C5orf24: variants seen among roughly 807,000 people sequenced by gnomAD.
C5orf24 encodes the protein chromosome 5 open reading frame 24.
Under a neutral mutation model 9.8 loss-of-function variants are expected in C5orf24, and 4 were observed. The observed-to-expected ratio is 0.41, with a 90% CI of 0.20 to 0.93. The LOEUF is 0.93. C5orf24 is among the 40% of genes least tolerant of loss of function. The pLI is 0.33. For missense variants in C5orf24, 170 were observed against 236.9 expected, an observed-to-expected ratio of 0.72 and a Z score of 1.85; for synonymous variants, 73 against 81.3, an observed-to-expected ratio of 0.90 and a Z score of 0.55.
At chr5:134,839,761 C>T in the C5orf24 span, among the ~76,000 whole-genome samples, 2 of 150,820 alleles carry the variant, frequency 1.3e-5, no homozygotes, top group African/African-American at 2.4e-5. Flanking sequence ...GCAGTCTCAG[C>T]TCACTTCAAC....
At chr5:134,836,168 C>CTTTTT in the C5orf24 span, among the ~76,000 whole-genome samples, 32 of 86,464 alleles carry the variant, frequency 3.7e-4, no homozygotes, top group African/African-American at 6.2e-4. Context: ...CATTGAGAAG[C>CTTTTT]TTTTTTTTTT....
In C5orf24 at chr5:134,846,110, C is replaced by G. The variant is rs988380136; in HGVS notation, c.-106C>G. The G allele has an allele frequency of 1.3e-5, 2 of 152,212 alleles. No homozygotes were observed. The highest frequency in any genetic ancestry group is 1.9e-4 in the East Asian group (1 of 5,180). The allele number at this position is 152,212 out of a possible 1,614,324, so 9.4% of individuals were successfully genotyped here. On this transcript the variant is annotated 5_prime_UTR_variant, in exon 1 of 2. Coordinates refer to ENST00000394976, the MANE Select transcript of C5orf24 (RefSeq NM_001135586.1). ...CTCCGTCTTGGCCCGTTCTCCGCACCGTGCAGAGGCGGCGGGCTGGGGAGG... is the reference window on the plus strand; with the variant it reads ...CTCCGTCTTGGCCCGTTCTCCGCACGGTGCAGAGGCGGCGGGCTGGGGAGG...
At chr5:134,841,652 T>C (rs1755895340), upstream of C5orf24, among the ~76,000 whole-genome samples, 1 of 152,182 alleles carries the variant, frequency 6.6e-6, no homozygotes, top group African/African-American at 2.4e-5. Flanking sequence ...GAAGCTTTAC[T>C]TCACATCTAT....
In C5orf24 at chr5:134,857,362, AAGC is replaced by A; in HGVS notation, c.*1900_*1902del. The A allele has an allele frequency of 3.9e-6, 6 of 1,547,632 alleles. No homozygotes were observed. Among genetic ancestry groups the A allele is most frequent in the Non-Finnish European group, 5.2e-6 (6 of 1,144,956 alleles). On this transcript the variant is annotated 3_prime_UTR_variant, in exon 2 of 2. Coordinates refer to ENST00000394976, the MANE Select transcript of C5orf24 (RefSeq NM_001135586.1). ...TTTCATACCTTTTTTATCAGGAAAAAAGCAGCAAGCCTTCAGGTGTTCCAGTGA... is the reference window on the plus strand; with the variant it reads ...TTTCATACCTTTTTTATCAGGAAAAAAGCAAGCCTTCAGGTGTTCCAGTGA...
At chr5:134,840,863 A>G (rs1397986764), upstream of C5orf24, among the ~76,000 whole-genome samples, 1 of 152,196 alleles carries the variant, frequency 6.6e-6, no homozygotes, top group Non-Finnish European at 1.5e-5. Context: ...CTTGGTATCC[A>G]GAGTTTTTAT....
intron 1 of C5orf24, among the ~76,000 whole-genome samples, chr5:134,850,962 CACAT>C (rs1196094972): frequency 2.0e-5 from 3 of 149,418 alleles, no homozygotes; most frequent in South Asian, 2.1e-4. Context: ...ACACTACACA[CACAT>C]ACATATTTTA....
intron 1 of C5orf24, among the ~76,000 whole-genome samples, chr5:134,849,937 C>T (rs181343181): frequency 3.9e-5 from 6 of 151,912 alleles, no homozygotes; most frequent in East Asian, 1.9e-4. Context: ...GGAGTACAGG[C>T]GTGAGCTACC....
intron 1 of C5orf24, among the ~76,000 whole-genome samples, chr5:134,853,820 C>T (rs902217383): frequency 5.3e-5 from 8 of 152,132 alleles, no homozygotes; most frequent in African/African-American, 1.9e-4. Flanking sequence ...CGGTGGCTCA[C>T]GCCTGTAATC....
chr5:134,848,632 G>T (rs1183354575), intron 1 of C5orf24, among the ~76,000 whole-genome samples: 11 of 113,480 alleles, frequency 9.7e-5, no homozygotes, highest in Non-Finnish European at 1.5e-4. Flanking sequence ...TTGCACTCCA[G>T]CCTGGGCAAG....
the C5orf24 span, among the ~76,000 whole-genome samples, chr5:134,836,168 CTTT>C: frequency 2.3e-5 from 2 of 86,428 alleles, no homozygotes; most frequent in African/African-American, 4.8e-5. Context: ...CATTGAGAAG[CTTT>C]TTTTTTTTTT....
chr5:134,839,699 T>G, the C5orf24 span, among the ~76,000 whole-genome samples: 1 of 151,398 alleles, frequency 6.6e-6, no homozygotes. Flanking sequence ...ACCTTTTTTT[T>G]TTTTTTTTTT....
In C5orf24 at chr5:134,855,485, G is replaced by A. The variant is rs1488516499; in HGVS notation, c.*18G>A. On this transcript the variant is annotated 3_prime_UTR_variant, in exon 2 of 2. Coordinates refer to ENST00000394976, the MANE Select transcript of C5orf24 (RefSeq NM_001135586.1). ...ATGAGTGAATGAGGCAGGAAAAGAG[G>A]GCCAGGTTTAGAAGGAAGATTGTGA... is the stretch of plus-strand genomic sequence containing the variant. 6.2e-7 allele frequency: 1 copy of A among 1,612,572 alleles called. No individual in the cohort carries two copies. Among genetic ancestry groups the A allele is most frequent in the East Asian group, 2.2e-5 (1 of 44,886 alleles).
chr5:134,856,752 T>C lies in C5orf24; in HGVS notation c.*1285T>C. Reference sequence around the variant, plus strand: ...TTTCTCAGAAATTGTCCCATTGCATTAGCACTTACTGTGTTTTCAGGTTGA... The same window carrying C: ...TTTCTCAGAAATTGTCCCATTGCATCAGCACTTACTGTGTTTTCAGGTTGA... On this transcript the variant is annotated 3_prime_UTR_variant, in exon 2 of 2. Coordinates refer to ENST00000394976, the MANE Select transcript of C5orf24 (RefSeq NM_001135586.1). 2.0e-6 allele frequency: 2 copies of C among 999,932 alleles called. No individual in the cohort carries two copies. Among genetic ancestry groups the C allele is most frequent in the Non-Finnish European group, 1.2e-6 (1 of 829,680 alleles). The allele number at this position is 999,932 out of a possible 1,614,324, so 61.9% of individuals were successfully genotyped here.
In C5orf24 at chr5:134,858,473, A is replaced by C. The variant is rs1756368614; in HGVS notation, c.*3006A>C. 6.0e-6 allele frequency: 1 copy of C among 166,978 alleles called. No homozygotes were observed. The allele number at this position is 166,978 out of a possible 1,614,324, so 10.3% of individuals were successfully genotyped here. Reference sequence around the variant, plus strand: ...ACTTTAATATAATCAGTTGGGGAAAACTGGCCTTTTCTCCCCCACTGTATG... The same window carrying C: ...ACTTTAATATAATCAGTTGGGGAAACCTGGCCTTTTCTCCCCCACTGTATG... On this transcript the variant is annotated 3_prime_UTR_variant, in exon 2 of 2. Transcript: ENST00000394976.
chr5:134,841,697 A>C (rs1228267926), upstream of C5orf24, among the ~76,000 whole-genome samples: 1 of 152,192 alleles, frequency 6.6e-6, no homozygotes, highest in Admixed American at 6.5e-5. Context: ...ACTGATGGCA[A>C]CTCTAACATC....
In C5orf24 at chr5:134,856,124, G is replaced by A. The variant is rs1442656504; in HGVS notation, c.*657G>A. On this transcript the variant is annotated 3_prime_UTR_variant, in exon 2 of 2. Coordinates refer to ENST00000394976, the MANE Select transcript of C5orf24 (RefSeq NM_001135586.1). The stretch of plus-strand genomic sequence containing the variant: ...TTGCCTTTGAGCAGTGATAGGTTGT[G>A]TATTTTTTAATTGCCTAAGAGCATA... 4.0e-6 allele frequency: 4 copies of A among 1,000,044 alleles called. No individual in the cohort carries two copies. The highest frequency in any genetic ancestry group is 6.2e-5 in the Admixed American group (1 of 16,260). 61.9% of individuals were successfully genotyped at this position (1,000,044 alleles called of 1,614,324 possible). A position where few individuals can be genotyped will look rare whatever the true frequency, so the allele number is the denominator to read the frequency against.
At chr5:134,851,532 T>C (rs570438714) in intron 1 of C5orf24, among the ~76,000 whole-genome samples, 1 of 149,978 alleles carries the variant, frequency 6.7e-6, no homozygotes, top group Admixed American at 6.8e-5. Context: ...TGACATCTAG[T>C]GGGTAGAGGC....
Position 134,845,982 on chromosome 5 carries a change from G to T in C5orf24, c.-234G>T, listed in dbSNP as rs1755978031. The T allele has an allele frequency of 6.6e-6, 1 of 152,246 alleles. No homozygotes were observed. Among genetic ancestry groups the T allele is most frequent in the Non-Finnish European group, 1.5e-5 (1 of 68,060 alleles). 9.4% of individuals were successfully genotyped at this position (152,246 alleles called of 1,614,324 possible). On this transcript the variant is annotated 5_prime_UTR_variant, in exon 1 of 2. Coordinates refer to ENST00000394976, the MANE Select transcript of C5orf24 (RefSeq NM_001135586.1). ...ACGCCGCCTCTAACACTACAGGGTG[G>T]TAGCGGCCTCTTCGTACTGCGTCCG...
chr5:134,857,701 T>C lies in C5orf24; in HGVS notation c.*2234T>C, dbSNP rs1756350504. 3.7e-6 allele frequency: 1 copy of C among 269,906 alleles called. No individual in the cohort carries two copies. The highest frequency in any genetic ancestry group is 1.7e-4 in the South Asian group (1 of 5,844). 16.7% of individuals were successfully genotyped at this position (269,906 alleles called of 1,614,324 possible). On this transcript the variant is annotated 3_prime_UTR_variant, in exon 2 of 2. Coordinates refer to ENST00000394976, the MANE Select transcript of C5orf24 (RefSeq NM_001135586.1). ...ATATGTTCGTTACCTACTCTGTACA[T>C]GTATCTGTCATTTAGCTGTTTCTCA...
Sources: allele counts gnomAD v4.1 joint callset (sites outside exome capture counted in the v4.1 genomes callset), GRCh38; gene constraint gnomAD v4.1.1; transcripts MANE v1.5; gene names NCBI Gene and HGNC (gene_info 2026-07-23, HGNC 2026-07-21).